Variants in SLC2A14 observed in about 807,000 individuals in gnomAD.
SLC2A14 encodes solute carrier family 2 member 14.
In SLC2A14, 13 loss-of-function variants were observed where a neutral mutation model predicts 43.0. That is an observed-to-expected ratio of 0.30 (90% confidence interval 0.20 to 0.48). The LOEUF is 0.48. Among genes scored for constraint, SLC2A14 ranks in the 20% least tolerant of loss-of-function variants. The pLI, the probability that SLC2A14 is intolerant of heterozygous loss-of-function variation, is 0.99. For synonymous variants in SLC2A14, 190 were observed against 233.8 expected (o/e 0.81, Z 1.71); for missense variants, 428 against 620.4 (o/e 0.69, Z 3.29).
At position 7,829,907 on chromosome 12, in the gene SLC2A14, G is replaced by A. The variant is rs748946020; in HGVS notation, c.372C>T (p.Gly124=). 137 of 1,614,184 alleles carry A rather than the reference G, an allele frequency of 8.5e-5. 1 individual carries two copies. In the South Asian group the frequency reaches 1.4e-3, roughly 16 times the overall value. ...IAESVEMLIL[G]RLVIGLFCGL... ...CGCAGAAGAGGCCAATAACCAAGCG[G>A]CCCAGGATCAGCATTTCAACTGACT... Residue 124 remains glycine, a synonymous_variant, in exon 5 of 11, where the codon GGC becomes GGT. Transcript: ENST00000431042.
At chr12:7,868,249 T>C (rs1945033971) in intron 2 of SLC2A14, among the ~76,000 whole-genome samples, 4 of 152,200 alleles carry the variant, frequency 2.6e-5, no homozygotes, top group Admixed American at 2.0e-4. Context: ...ATTGTTAGCA[T>C]TTTTTAGCAA....
At chr12:7,886,733 G>T (rs1945694767) in intron 1 of SLC2A14, among the ~76,000 whole-genome samples, 1 of 151,948 alleles carries the variant, frequency 6.6e-6, no homozygotes, top group South Asian at 2.1e-4. Context: ...AAGGCTCATT[G>T]AATTGTCAGT....
intron 2 of SLC2A14, among the ~76,000 whole-genome samples, chr12:7,835,308 A>C (rs889715485): frequency 2.6e-5 from 4 of 152,132 alleles, no homozygotes; most frequent in African/African-American, 7.2e-5. Flanking sequence ...AATTGCTTGA[A>C]ACTGGGAGGC....
intron 8 of SLC2A14, 151 bp downstream of exon 8, chr12:7,821,070 G>C (rs756403442): frequency 1.3e-5 from 7 of 529,298 alleles, no homozygotes; most frequent in African/African-American, 5.8e-5. Flanking sequence ...CTGGGCAACA[G>C]AGCAAGACTC....
intron 2 of SLC2A14, among the ~76,000 whole-genome samples, chr12:7,835,248 G>A (rs1865351646): frequency 6.6e-6 from 1 of 152,140 alleles, no homozygotes; most frequent in African/African-American, 2.4e-5. Flanking sequence ...TTAGCCAGCC[G>A]TGATGGCGTG....
chr12:7,875,241 TTATA>T (rs71038795), upstream of SLC2A14, among the ~76,000 whole-genome samples: 5 of 133,462 alleles, frequency 3.7e-5, no homozygotes, highest in Non-Finnish European at 4.7e-5. Flanking sequence ...TTTTATATAT[TTATA>T]TATATATATA....
At chr12:7,832,919 G>A in intron 2 of SLC2A14, 105 bp from the exon 3 acceptor site, 2 of 1,121,510 alleles carry the variant, frequency 1.8e-6, no homozygotes, top group Non-Finnish European at 2.6e-6. Context: ...TGACCTATGA[G>A]TGGTATGAAA....
At chr12:7,891,097 C>T in exon 1 of SLC2A14, 1 of 1,534,686 alleles carries the variant, frequency 6.5e-7, no homozygotes, top group Non-Finnish European at 8.7e-7. Flanking sequence ...CCCAGGAGTA[C>T]TTCTACTCTC....
intron 2 of SLC2A14, among the ~76,000 whole-genome samples, chr12:7,838,287 C>A (rs1358261588): frequency 6.6e-6 from 1 of 151,228 alleles, no homozygotes; most frequent in Non-Finnish European, 1.5e-5. Flanking sequence ...AGGGTTTCAC[C>A]ATATTGGCCA....
At chr12:7,834,916 A>G (rs1001858192) in intron 2 of SLC2A14, among the ~76,000 whole-genome samples, 1 of 152,040 alleles carries the variant, frequency 6.6e-6, no homozygotes, top group Non-Finnish European at 1.5e-5. Flanking sequence ...ATGTGCTTCG[A>G]GAGACTGGTT....
At chr12:7,834,176 A>G (rs1592196480) in intron 2 of SLC2A14, among the ~76,000 whole-genome samples, 1 of 148,792 alleles carries the variant, frequency 6.7e-6, no homozygotes, top group South Asian at 2.1e-4. Context: ...ATCATTCACT[A>G]TCTTTGAGAG....
At chr12:7,886,300 C>G (rs946227542) in intron 1 of SLC2A14, among the ~76,000 whole-genome samples, 1 of 150,972 alleles carries the variant, frequency 6.6e-6, no homozygotes, top group African/African-American at 2.4e-5. Context: ...TAGCTGGGAC[C>G]ACAGGCATGT....
At chr12:7,814,680 A>T (rs1015796380) in intron 10 of SLC2A14, 146 bp from the exon 11 acceptor site, 2 of 944,896 alleles carry the variant, frequency 2.1e-6, no homozygotes, top group Non-Finnish European at 3.1e-6. Flanking sequence ...TCAGAGATTT[A>T]CTTATGATTC....
intron 2 of SLC2A14, among the ~76,000 whole-genome samples, chr12:7,838,658 C>G (rs775678684): frequency 9.9e-5 from 15 of 152,284 alleles, no homozygotes; most frequent in African/African-American, 3.1e-4. Context: ...GGATTTGGAA[C>G]TCATGCTGGA....
chr12:7,852,172 G>A (rs753705965), intron 2 of SLC2A14, among the ~76,000 whole-genome samples: 1 of 152,132 alleles, frequency 6.6e-6, no homozygotes, highest in Non-Finnish European at 1.5e-5. Flanking sequence ...CCTTACAACT[G>A]TAACAAATGA....
chr12:7,880,114 C>A (rs1945539740), intron 1 of SLC2A14, among the ~76,000 whole-genome samples: 1 of 151,720 alleles, frequency 6.6e-6, no homozygotes, highest in Non-Finnish European at 1.5e-5. Context: ...CCAGCCTGAC[C>A]AACATGGAGA....
At chr12:7,866,685 A>G (rs1565572645) in intron 2 of SLC2A14, among the ~76,000 whole-genome samples, 1 of 152,108 alleles carries the variant, frequency 6.6e-6, no homozygotes, top group Non-Finnish European at 1.5e-5. Flanking sequence ...TCATTTTATG[A>G]AGGCTGAGAA....
chr12:7,860,665 T>C (rs114447780), intron 2 of SLC2A14: 35 of 152,506 alleles, frequency 2.3e-4, no homozygotes, highest in African/African-American at 7.9e-4. Flanking sequence ...GGATTTGGGA[T>C]CATTTCCAGA....
rs778196539 is a variant in SLC2A14, at chr12:7,848,035, C to T, written c.19-15221G>A. On this transcript the variant is annotated intron_variant, in intron 2 of 10. Coordinates refer to ENST00000431042, the MANE Select transcript of SLC2A14 (RefSeq NM_001286234.2). ...GTAGAGACACAGGAGGAGAGAGACA[C>T]GGTCAGATGACAAACCCAATTTGCA... 1.3e-3 allele frequency among the ~76,000 whole-genome samples: 196 copies of T among 152,106 alleles called. 1 individual carries two copies. Among genetic ancestry groups the T allele is most frequent in the African/African-American group, 4.5e-3 (186 of 41,490 alleles).
Sources: gnomAD v4.1 joint callset for allele counts (sites outside exome capture counted in the v4.1 genomes callset) on GRCh38, gnomAD v4.1.1 for gene constraint, MANE v1.5 for transcripts, NCBI Gene and HGNC (gene_info 2026-07-23, HGNC 2026-07-21) for gene names.